The following CSMD3 variants were observed in gnomAD, a reference collection of about 807,000 sequenced individuals.
CSMD3 encodes the protein CUB and Sushi multiple domains 3, also known as CUB and sushi domain-containing protein 3.
Under a neutral mutation model 435.2 loss-of-function variants are expected in CSMD3, and 177 were observed. The ratio of observed to expected loss-of-function variants is 0.41; its 90% CI spans 0.36 to 0.46. CSMD3 has a LOEUF of 0.46. CSMD3 is among the 20% of genes least tolerant of loss of function. The pLI is 0.34. For missense variants in CSMD3, 4,265 were observed against 4,504.6 expected (o/e 0.95, Z 1.52); for synonymous variants, 1,656 against 1,520.5 (o/e 1.09, Z -2.07).
chr8:112,440,097 C>A (rs1042793433), intron 32 of CSMD3, among the ~76,000 whole-genome samples: 2 of 152,110 alleles, frequency 1.3e-5, no homozygotes, highest in Non-Finnish European at 2.9e-5. Context: ...AGGCAAGTCC[C>A]TTCTATCTAA....
chr8:113,429,412 A>C (rs2094656863), intron 1 of CSMD3, among the ~76,000 whole-genome samples: 2 of 152,006 alleles, frequency 1.3e-5, no homozygotes, highest in Admixed American at 1.3e-4. Flanking sequence ...GAAATAAATA[A>C]AAATTTGATG....
chr8:112,252,679 GTATATATATATATA>G (rs10542301), intron 63 of CSMD3, among the ~76,000 whole-genome samples: 1 of 141,424 alleles, frequency 7.1e-6, no homozygotes, highest in African/African-American at 2.5e-5. Flanking sequence ...ATGTGTGTGT[GTATATATATATATA>G]TATATATATA....
In CSMD3 at chr8:112,319,948, G is replaced by A. The variant is rs2130867023; in HGVS notation, c.7199C>T (p.Pro2400Leu). The A allele has an allele frequency of 6.2e-7, 1 of 1,612,994 alleles. No individual in the cohort carries two copies. Among genetic ancestry groups the A allele is most frequent in the Non-Finnish European group, 8.5e-7 (1 of 1,179,232 alleles). The change falls in exon 46 of 71, where the codon CCT becomes CTT. Residue 2400 changes from proline (P) to leucine (L), a missense_variant. Around this residue, in one of 3 missense-constraint regions of CSMD3, gnomAD observed 3,255 missense variants for 3,380.2 expected, o/e 0.96. Transcript: ENST00000297405. ...CGTCAAAATTTCAGCATTGGGCACA[G>A]GTGGTGGAGGTTGGCACACCCTTAG... ...YQLRVCQPPP[P>L]VPNAEILTED... is the part of the protein sequence containing the mutation.
At position 112,920,987 on chromosome 8, in the gene CSMD3, A is replaced by ACG. The variant is rs201111279; in HGVS notation, c.1633+638_1633+639dup. Among the ~76,000 whole-genome samples the ACG allele has an allele frequency of 5.9e-3, 700 of 118,534 alleles. 8 individuals carry two copies. Among genetic ancestry groups the ACG allele is most frequent in the African/African-American group, 0.023 (604 of 26,672 alleles). 77.8% of individuals were successfully genotyped at this position (118,534 alleles called of 152,430 possible). A position where few individuals can be genotyped will look rare whatever the true frequency, so the allele number is the denominator to read the frequency against. On this transcript the variant is annotated intron_variant, in intron 10 of 70. Transcript: ENST00000297405. ...TTTATATATATATATGTACACACAT[A>ACG]CGCGCGCGCGCACACACACACACAC...
chr8:113,248,892 C>G (rs1157374618), intron 3 of CSMD3, among the ~76,000 whole-genome samples: 1 of 151,902 alleles, frequency 6.6e-6, no homozygotes, highest in Non-Finnish European at 1.5e-5. Flanking sequence ...AAACTGTCAA[C>G]TTTCCTGACA....
In CSMD3 at chr8:112,737,995, T is replaced by C. The variant is rs78745708; in HGVS notation, c.1973-47945A>G. On this transcript the variant is annotated intron_variant, in intron 13 of 70. Transcript: ENST00000297405. ...ATTTATTTTTAGAACTGTGATTACA[T>C]TCTGATGATAGTTTGATTGACAGCT... Among the ~76,000 whole-genome samples the C allele has an allele frequency of 5.1e-4, 78 of 152,008 alleles. No homozygotes were observed. In the East Asian group the frequency reaches 0.012, roughly 24 times the overall value.
chr8:113,200,866 T>C (rs536961582), intron 3 of CSMD3, among the ~76,000 whole-genome samples: 1 of 151,920 alleles, frequency 6.6e-6, no homozygotes, highest in East Asian at 2.0e-4. Context: ...AAAAATTTCT[T>C]CTGTATAGAG....
At chr8:112,521,844 A>G (rs1335020201) in intron 27 of CSMD3, among the ~76,000 whole-genome samples, 1 of 151,844 alleles carries the variant, frequency 6.6e-6, no homozygotes, top group East Asian at 1.9e-4. Flanking sequence ...AAATAAGTAT[A>G]AAATTTCACC....
At chr8:112,862,532 C>T (rs982598784) in intron 10 of CSMD3, among the ~76,000 whole-genome samples, 1 of 151,940 alleles carries the variant, frequency 6.6e-6, no homozygotes, top group Admixed American at 6.6e-5. Context: ...GTAGAACAGA[C>T]CTGCTATTTG....
intron 11 of CSMD3, among the ~76,000 whole-genome samples, chr8:112,847,691 A>T (rs2080364515): frequency 6.6e-6 from 1 of 152,150 alleles, no homozygotes; most frequent in Admixed American, 6.6e-5. Flanking sequence ...GCTTGGCACA[A>T]GTACCAAATC....
intron 13 of CSMD3, among the ~76,000 whole-genome samples, chr8:112,755,229 G>C (rs895447292): frequency 6.6e-6 from 1 of 151,960 alleles, no homozygotes; most frequent in Non-Finnish European, 1.5e-5. Flanking sequence ...TACTCGGGAG[G>C]CTGAGGCAGG....
At chr8:113,359,434 A>G (rs1184042965) in intron 1 of CSMD3, among the ~76,000 whole-genome samples, 1 of 152,164 alleles carries the variant, frequency 6.6e-6, no homozygotes, top group Non-Finnish European at 1.5e-5. Flanking sequence ...CTGAGAACCT[A>G]CCAGATGTCT....
At chr8:113,153,614 G>T (rs2091876045) in intron 4 of CSMD3, among the ~76,000 whole-genome samples, 1 of 151,986 alleles carries the variant, frequency 6.6e-6, no homozygotes, top group Non-Finnish European at 1.5e-5. Flanking sequence ...ATAAGAGAGG[G>T]TTTCTATTTA....
At chr8:112,542,335 C>A (rs1048324591) in intron 27 of CSMD3, among the ~76,000 whole-genome samples, 2 of 147,126 alleles carry the variant, frequency 1.4e-5, no homozygotes, top group African/African-American at 2.5e-5. Flanking sequence ...AAACAAAAGG[C>A]CTCCAAAATG....
intron 24 of CSMD3, among the ~76,000 whole-genome samples, chr8:112,558,807 A>G (rs1012118865): frequency 6.6e-6 from 1 of 151,948 alleles, no homozygotes; most frequent in African/African-American, 2.4e-5. Flanking sequence ...ATGTGAAATA[A>G]TAACTAGCCA....
At chr8:112,306,770 G>A (rs1331678056) in intron 50 of CSMD3, among the ~76,000 whole-genome samples, 2 of 152,072 alleles carry the variant, frequency 1.3e-5, no homozygotes, top group Non-Finnish European at 2.9e-5. Flanking sequence ...ACAAGGCCAG[G>A]ACTTACTGTC....
rs1362331874 is a variant in CSMD3, at chr8:112,314,041, G to T, written c.7561C>A (p.Gln2521Lys). 1.2e-6 allele frequency: 2 copies of T among 1,607,776 alleles called. No individual in the cohort carries two copies. The highest frequency in any genetic ancestry group is 2.7e-5 in the African/African-American group (2 of 74,768). The change falls in exon 49 of 71, where the codon CAA becomes AAA. Residue 2521 changes from glutamine to lysine, a missense_variant. By Grantham distance (53) the Gln-to-Lys change is moderately conservative. Coordinates refer to ENST00000297405, the MANE Select transcript of CSMD3 (RefSeq NM_198123.2). ...CTGAGGGAAATAAGCACTGGACTTT[G>T]AATATTTGGTCCTTTGGGAAGAAAA... ...VLQVYDGPNIQSPVLISLSGD... is the reference protein window; with the variant it reads ...VLQVYDGPNIKSPVLISLSGD...
At chr8:112,892,980 A>T (rs1023686878) in intron 10 of CSMD3, among the ~76,000 whole-genome samples, 2 of 151,446 alleles carry the variant, frequency 1.3e-5, no homozygotes, top group African/African-American at 2.4e-5. Flanking sequence ...TGAATAGATA[A>T]ATTAAGTCAA....
chr8:112,998,840 C>T (rs1158911318), intron 6 of CSMD3, among the ~76,000 whole-genome samples: 2 of 151,832 alleles, frequency 1.3e-5, no homozygotes. Context: ...GTGTATAGCA[C>T]CTCCCCACTC....
Sources: gnomAD v4.1 joint callset for allele counts (sites outside exome capture counted in the v4.1 genomes callset) on GRCh38, gnomAD v4.1.1 for gene constraint, gnomAD v4.1.1 regional missense constraint, MANE v1.5 for transcripts, NCBI Gene and HGNC (gene_info 2026-07-23, HGNC 2026-07-21) for gene names.